The following ARSB variants were observed in gnomAD, a reference collection of about 807,000 sequenced individuals.
ARSB encodes N-acetylgalactosamine-4-sulfatase.
In ARSB, 41 loss-of-function variants were observed where a neutral mutation model predicts 50.9. The observed-to-expected ratio is 0.81, with a 90% CI of 0.63 to 1.04. ARSB has a LOEUF of 1.04. ARSB is among the 50% of genes least tolerant of loss of function. The probability of loss-of-function intolerance (pLI) is 0.00; values close to 1 mark genes in which losing one functional copy is unlikely to be tolerated. For missense variants in ARSB, 672 were observed against 693.3 expected (o/e 0.97, Z 0.35); for synonymous variants, 269 against 284.8 (o/e 0.94, Z 0.56).
intron 4 of ARSB, among the ~76,000 whole-genome samples, chr5:78,924,522 TC>T (rs1749964477): frequency 6.6e-6 from 1 of 152,222 alleles, no homozygotes; most frequent in Admixed American, 6.5e-5. Flanking sequence ...AGCCTTGGCT[TC>T]CCACCTTCTC....
chr5:78,800,151 C>T (rs142193607), intron 6 of ARSB, among the ~76,000 whole-genome samples: 2 of 151,946 alleles, frequency 1.3e-5, no homozygotes, highest in South Asian at 4.2e-4. Context: ...AACCCCATTT[C>T]TACTAAAAAT....
chr5:78,869,022 G>A (rs1327557764), intron 5 of ARSB, among the ~76,000 whole-genome samples: 1 of 150,614 alleles, frequency 6.6e-6, no homozygotes, highest in Admixed American at 6.6e-5. Flanking sequence ...CCTAGTCTCT[G>A]ATAAAACAGA....
intron 4 of ARSB, among the ~76,000 whole-genome samples, chr5:78,952,499 G>T (rs977363711): frequency 6.6e-6 from 1 of 152,016 alleles, no homozygotes; most frequent in African/African-American, 2.4e-5. Flanking sequence ...ACCACACCTG[G>T]CTAATTTTTG....
intron 4 of ARSB, among the ~76,000 whole-genome samples, chr5:78,919,013 A>AT (rs1749686267): frequency 6.6e-6 from 1 of 152,146 alleles, no homozygotes; most frequent in Admixed American, 6.5e-5. Flanking sequence ...AAGATTTGGG[A>AT]TTTTCCATAA....
At chr5:78,851,601 T>C (rs560313509) in intron 5 of ARSB, among the ~76,000 whole-genome samples, 2 of 152,154 alleles carry the variant, frequency 1.3e-5, no homozygotes, top group Admixed American at 6.5e-5. Context: ...CTGAGTTCAA[T>C]TCCTGGGTAT....
At chr5:78,911,319 T>C (rs1358937706) in intron 4 of ARSB, among the ~76,000 whole-genome samples, 1 of 151,980 alleles carries the variant, frequency 6.6e-6, no homozygotes, top group Non-Finnish European at 1.5e-5. Flanking sequence ...ATAGAATTAC[T>C]TGGGCACACT....
chr5:78,922,505 T>C (rs1749867582), intron 4 of ARSB, among the ~76,000 whole-genome samples: 2 of 151,962 alleles, frequency 1.3e-5, no homozygotes, highest in Non-Finnish European at 2.9e-5. Context: ...ATTCATCACC[T>C]GCTAACTTAA....
intron 2 of ARSB, among the ~76,000 whole-genome samples, chr5:78,966,928 A>T (rs537592970): frequency 0.42 from 38,720 of 93,218 alleles, 6,220 homozygotes; most frequent in African/African-American, 0.55. Flanking sequence ...GGTCCATTTA[A>T]AAAAAAAAAA....
At chr5:78,814,533 A>G (rs1743921577) in intron 6 of ARSB, among the ~76,000 whole-genome samples, 1 of 149,862 alleles carries the variant, frequency 6.7e-6, no homozygotes, top group Non-Finnish European at 1.5e-5. Flanking sequence ...TTAAAGGCCC[A>G]CTCTTTTTTT....
intron 4 of ARSB, among the ~76,000 whole-genome samples, chr5:78,923,443 A>C (rs1019900968): frequency 6.6e-6 from 1 of 152,242 alleles, no homozygotes; most frequent in African/African-American, 2.4e-5. Flanking sequence ...CCATAGCAGC[A>C]GCTGGAACAA....
intron 4 of ARSB, among the ~76,000 whole-genome samples, chr5:78,894,847 G>A (rs56917412): frequency 0.022 from 3,331 of 152,300 alleles, 122 homozygotes; most frequent in African/African-American, 0.074. Flanking sequence ...GGCATGCACA[G>A]TGGGAGTGAG....
At chr5:78,866,412 C>G (rs112226251) in intron 5 of ARSB, among the ~76,000 whole-genome samples, 2,591 of 152,214 alleles carry the variant, frequency 0.017, 67 homozygotes, top group African/African-American at 0.059. Context: ...TGGGTCCCTG[C>G]CACAACACAT....
chr5:78,801,646 C>G (rs1743396640), intron 6 of ARSB, among the ~76,000 whole-genome samples: 1 of 152,200 alleles, frequency 6.6e-6, no homozygotes, highest in African/African-American at 2.4e-5. Flanking sequence ...TGGGATCACA[C>G]TCTGACCACA....
At chr5:78,830,596 G>T (rs1413136300) in intron 6 of ARSB, among the ~76,000 whole-genome samples, 4 of 152,194 alleles carry the variant, frequency 2.6e-5, no homozygotes, top group Non-Finnish European at 5.9e-5. Flanking sequence ...AACAGTGAAG[G>T]TTTCATGCGT....
At chr5:78,817,169 A>G in intron 6 of ARSB, 1 of 939,758 alleles carries the variant, frequency 1.1e-6, no homozygotes, top group Non-Finnish European at 1.3e-6. Context: ...AGTAGGCACA[A>G]AATAACAACA....
intron 5 of ARSB, among the ~76,000 whole-genome samples, chr5:78,872,160 G>A (rs1035270566): frequency 1.3e-5 from 2 of 148,360 alleles, no homozygotes; most frequent in Non-Finnish European, 3.0e-5. Flanking sequence ...AAAAAGTCAG[G>A]AAACAACAGG....
At chr5:78,821,066 A>G (rs1744200832) in intron 6 of ARSB, among the ~76,000 whole-genome samples, 1 of 152,226 alleles carries the variant, frequency 6.6e-6, no homozygotes, top group African/African-American at 2.4e-5. Context: ...ATAAAGTCAA[A>G]ACTGTTAGCA....
intron 4 of ARSB, among the ~76,000 whole-genome samples, chr5:78,944,449 G>T (rs1302645748): frequency 1.3e-5 from 2 of 152,192 alleles, no homozygotes; most frequent in African/African-American, 4.8e-5. Flanking sequence ...TTTACAGATG[G>T]GGTTTTGGTG....
intron 4 of ARSB, among the ~76,000 whole-genome samples, chr5:78,943,990 TTTCTCTAAACTTCTC>T (rs1383145383): frequency 2.6e-5 from 4 of 152,226 alleles, no homozygotes; most frequent in Non-Finnish European, 4.4e-5. Flanking sequence ...TTTATTCTTT[TTTCTCTAAACTTCTC>T]TTCTCACTTC....
Sources: allele counts gnomAD v4.1 joint callset (sites outside exome capture counted in the v4.1 genomes callset), GRCh38; gene constraint gnomAD v4.1.1; transcripts MANE v1.5; gene names NCBI Gene and HGNC (gene_info 2026-07-23, HGNC 2026-07-21).